Variants in CAMTA1 observed in about 807,000 individuals in gnomAD.
The protein encoded by CAMTA1 is calmodulin-binding transcription activator 1.
Under a neutral mutation model 170.9 loss-of-function variants are expected in CAMTA1, and 27 were observed. The observed-to-expected ratio is 0.16, with a 90% CI of 0.12 to 0.22. CAMTA1 has a LOEUF of 0.22. Among genes scored for constraint, CAMTA1 ranks in the 10% least tolerant of loss-of-function variants. The probability of loss-of-function intolerance (pLI) is 1.00; values close to 1 mark genes in which losing one functional copy is unlikely to be tolerated. For synonymous variants in CAMTA1, 833 were observed against 891.5 expected, an observed-to-expected ratio of 0.93 and a Z score of 1.17; for missense variants, 1,619 against 2,217.2, an observed-to-expected ratio of 0.73 and a Z score of 5.42.
intron 3 of CAMTA1, among the ~76,000 whole-genome samples, chr1:7,011,214 G>C (rs1699727510): frequency 6.6e-6 from 1 of 152,104 alleles, no homozygotes; most frequent in African/African-American, 2.4e-5. Context: ...TTTTTTAATT[G>C]TTTTTTTGAG....
intron 3 of CAMTA1, among the ~76,000 whole-genome samples, chr1:7,083,539 C>T (rs996702628): frequency 4.9e-4 from 75 of 152,084 alleles, no homozygotes; most frequent in Non-Finnish European, 3.8e-4. Flanking sequence ...AGACGGGAGC[C>T]CTGCCCTGTT....
intron 11 of CAMTA1, among the ~76,000 whole-genome samples, chr1:7,698,079 C>CG (rs1325272350): frequency 1.4e-5 from 2 of 139,128 alleles, no homozygotes; most frequent in Non-Finnish European, 3.2e-5. Context: ...CTGTGACCCC[C>CG]CCCCCCCCCA....
chr1:6,794,354 G>A (rs1271442370), intron 1 of CAMTA1, among the ~76,000 whole-genome samples: 1 of 152,192 alleles, frequency 6.6e-6, no homozygotes, highest in Non-Finnish European at 1.5e-5. Context: ...GGGTAGTGAT[G>A]TTCTTTCAAA....
intron 5 of CAMTA1, among the ~76,000 whole-genome samples, chr1:7,292,121 A>G (rs909203387): frequency 2.0e-5 from 3 of 152,184 alleles, no homozygotes; most frequent in Admixed American, 6.5e-5. Context: ...CAAATTGGAG[A>G]TCTAAGGACT....
rs1306510241 is a variant in CAMTA1 at position 6,899,554 on chromosome 1, G to GCGCACACACACA, written c.234+74345_234+74346insGCACACACACAC. The stretch of plus-strand genomic sequence containing the variant: ...ATGTGTATAACGCGCACGCGCGCGC[G>GCGCACACACACA]CACACACACACACACACACACACAC... On this transcript the variant is annotated intron_variant, in intron 3 of 22. Coordinates refer to ENST00000303635, the MANE Select transcript of CAMTA1 (RefSeq NM_015215.4). Among the ~76,000 whole-genome samples, 263 of 141,168 alleles carry GCGCACACACACA rather than the reference G, an allele frequency of 1.9e-3. 1 individual carries two copies. The highest frequency in any genetic ancestry group is 2.8e-3 in the Admixed American group (36 of 13,072). The allele number at this position is 141,168 out of a possible 152,430, so 92.6% of individuals were successfully genotyped here.
At chr1:7,182,770 G>C (rs1243242864) in intron 4 of CAMTA1, among the ~76,000 whole-genome samples, 1 of 152,060 alleles carries the variant, frequency 6.6e-6, no homozygotes, top group Non-Finnish European at 1.5e-5. Context: ...AGAAAAAATG[G>C]GCACAAGACA....
intron 11 of CAMTA1, among the ~76,000 whole-genome samples, chr1:7,718,853 C>CTTTTTTTT (rs1380463151): frequency 7.4e-6 from 1 of 134,556 alleles, no homozygotes; most frequent in Non-Finnish European, 1.5e-5. Flanking sequence ...CCGGTCAGCC[C>CTTTTTTTT]TTTTTTTTTT....
At chr1:7,314,502 C>T (rs1574620198) in intron 5 of CAMTA1, among the ~76,000 whole-genome samples, 1 of 152,266 alleles carries the variant, frequency 6.6e-6, no homozygotes, top group South Asian at 2.1e-4. Context: ...TTTGTGGTTC[C>T]CAACTGCCAT....
At chr1:7,171,259 C>A (rs552900942) in intron 4 of CAMTA1, among the ~76,000 whole-genome samples, 9 of 152,336 alleles carry the variant, frequency 5.9e-5, no homozygotes, top group African/African-American at 2.2e-4. Flanking sequence ...CAGCAGTGAG[C>A]TGTTCAGAGT....
chr1:7,664,952 C>T lies in CAMTA1; in HGVS notation c.2405C>T (p.Ala802Val), dbSNP rs781488405. 1.5e-5 allele frequency: 24 copies of T among 1,612,766 alleles called. No individual in the cohort carries two copies. The highest frequency in any genetic ancestry group is 1.5e-4 in the African/African-American group (11 of 74,950). Residue 802 changes from alanine (A) to valine (V), a missense_variant, in exon 9 of 23, where the codon GCG (alanine) becomes GTG (valine). Transcript: ENST00000303635. ...CAGCTGGTGTCGGGGGACAGCACGG[C>T]GCTCTCACAGTCAGAGGACGGGGCG... Reference protein sequence around the residue: ...GHQLVSGDSTALSQSEDGARA... With the variant: ...GHQLVSGDSTVLSQSEDGARA...
intron 5 of CAMTA1, among the ~76,000 whole-genome samples, chr1:7,342,651 GT>G (rs879480938): frequency 6.6e-6 from 1 of 152,186 alleles, no homozygotes; most frequent in Non-Finnish European, 1.5e-5. Context: ...TAGAGAGCAA[GT>G]AATTTGACCC....
At chr1:7,076,455 C>A (rs1274877994) in intron 3 of CAMTA1, among the ~76,000 whole-genome samples, 1 of 152,160 alleles carries the variant, frequency 6.6e-6, no homozygotes, top group African/African-American at 2.4e-5. Flanking sequence ...TATCTTTCAT[C>A]TTACTCCTTG....
chr1:6,881,175 G>T (rs1031950507), intron 3 of CAMTA1, among the ~76,000 whole-genome samples: 3 of 152,234 alleles, frequency 2.0e-5, no homozygotes, highest in Admixed American at 2.0e-4. Flanking sequence ...AATCACTGTG[G>T]TATTTTGTTT....
At chr1:7,032,849 T>G (rs925434669) in intron 3 of CAMTA1, among the ~76,000 whole-genome samples, 1 of 152,208 alleles carries the variant, frequency 6.6e-6, no homozygotes, top group African/African-American at 2.4e-5. Flanking sequence ...TTTTTGTTTT[T>G]TCTCTTAGCA....
chr1:7,480,245 GTGTGTGC>G (rs1255741961), intron 6 of CAMTA1, among the ~76,000 whole-genome samples: 39 of 93,742 alleles, frequency 4.2e-4, no homozygotes, highest in African/African-American at 2.2e-3. Context: ...ATGTGTCCGT[GTGTGTGC>G]ATGTGTGTAT....
At chr1:7,008,012 G>A (rs1050594217) in intron 3 of CAMTA1, among the ~76,000 whole-genome samples, 10 of 152,298 alleles carry the variant, frequency 6.6e-5, no homozygotes, top group Non-Finnish European at 1.5e-4. Flanking sequence ...GAGAGACCTG[G>A]AAGGAAGATG....
rs987378066 is a variant in CAMTA1 at position 7,682,278 on chromosome 1, A to T, written c.2914+4545A>T. 1.3e-5 allele frequency among the ~76,000 whole-genome samples: 2 copies of T among 152,208 alleles called. No individual in the cohort carries two copies. Among genetic ancestry groups the T allele is most frequent in the Admixed American group, 6.5e-5 (1 of 15,292 alleles). On this transcript the variant is annotated intron_variant, in intron 11 of 22. Coordinates refer to ENST00000303635, the MANE Select transcript of CAMTA1 (RefSeq NM_015215.4). This position sits in a 1 kb window ranked among gnomAD's most constrained non-coding sequence, Gnocchi z 5.0. ...GGCAAGCCTCAGTGTAAGGTGGGTG[A>T]GCCCAGACAGCTTGCCCCTGCAGCT...
At chr1:7,276,719 G>A (rs1406063508) in intron 5 of CAMTA1, among the ~76,000 whole-genome samples, 4 of 152,072 alleles carry the variant, frequency 2.6e-5, no homozygotes, top group African/African-American at 9.7e-5. Context: ...GTCCTAGGAA[G>A]TTGAATAAGG....
At chr1:7,315,946 C>T (rs969123577) in intron 5 of CAMTA1, among the ~76,000 whole-genome samples, 1 of 152,188 alleles carries the variant, frequency 6.6e-6, no homozygotes, top group African/African-American at 2.4e-5. Context: ...AATTGACTCA[C>T]GGTTCCATAT....
Sources: allele counts gnomAD v4.1 joint callset (sites outside exome capture counted in the v4.1 genomes callset), GRCh38; gene constraint gnomAD v4.1.1; non-coding constraint Gnocchi (gnomAD v3.1); transcripts MANE v1.5; gene names NCBI Gene and HGNC (gene_info 2026-07-23, HGNC 2026-07-21).